The following SIPA1L2 variants were observed in gnomAD, a reference collection of about 807,000 sequenced individuals.
The protein encoded by SIPA1L2 is signal-induced proliferation-associated 1-like protein 2.
Under a neutral mutation model 163.9 loss-of-function variants are expected in SIPA1L2, and 56 were observed. The observed-to-expected ratio is 0.34, with a 90% CI of 0.28 to 0.43. The LOEUF (loss-of-function observed/expected upper bound fraction) is 0.43, where lower values mean the gene tolerates loss of function less well. Among genes scored for constraint, SIPA1L2 ranks in the 20% least tolerant of loss-of-function variants. The pLI is 1.00. For synonymous variants in SIPA1L2, 877 were observed against 865.7 expected, an observed-to-expected ratio of 1.01 and a Z score of -0.23; for missense variants, 1,974 against 2,193.5, an observed-to-expected ratio of 0.90 and a Z score of 2.00.
At chr1:232,412,788 C>T (rs953648681) in intron 19 of SIPA1L2, among the ~76,000 whole-genome samples, 14 of 152,152 alleles carry the variant, frequency 9.2e-5, no homozygotes, top group African/African-American at 1.4e-4. Context: ...AAATTAAACA[C>T]GTCATTAACT....
At chr1:232,475,647 G>A (rs966584997) in intron 7 of SIPA1L2, among the ~76,000 whole-genome samples, 1 of 152,074 alleles carries the variant, frequency 6.6e-6, no homozygotes, top group African/African-American at 2.4e-5. Flanking sequence ...ATTTCTGATG[G>A]GCAAGAACAG....
chr1:232,440,406 C>T (rs141610996), intron 14 of SIPA1L2, among the ~76,000 whole-genome samples: 27 of 152,312 alleles, frequency 1.8e-4, no homozygotes, highest in Admixed American at 4.6e-4. Context: ...ATCACCTTGA[C>T]CTTTTCATCA....
At chr1:232,401,405 T>G (rs1456886493) in intron 22 of SIPA1L2, among the ~76,000 whole-genome samples, 1 of 152,162 alleles carries the variant, frequency 6.6e-6, no homozygotes, top group Non-Finnish European at 1.5e-5. Flanking sequence ...TGGGCAAGTC[T>G]CCTAAACCCG....
chr1:232,544,141 T>C (rs1657866399), intron 2 of SIPA1L2, among the ~76,000 whole-genome samples: 1 of 149,012 alleles, frequency 6.7e-6, no homozygotes, highest in Non-Finnish European at 1.5e-5. Context: ...TTTTTTTTTA[T>C]CCTCTTATTC....
chr1:232,564,201 G>T (rs2102755341), intron 2 of SIPA1L2, among the ~76,000 whole-genome samples: 1 of 97,160 alleles, frequency 1.0e-5, no homozygotes, highest in Non-Finnish European at 1.8e-5. Context: ...TCATCATGTT[G>T]GCCAGACTGA....
At chr1:232,563,955 TCGTGTGTGTG>T (rs1659198875) in intron 2 of SIPA1L2, among the ~76,000 whole-genome samples, 2 of 116,700 alleles carry the variant, frequency 1.7e-5, no homozygotes, top group African/African-American at 8.0e-5. Flanking sequence ...TTTTTTTTTT[TCGTGTGTGTG>T]TGTGTGTGTG....
chr1:232,557,603 C>T lies in SIPA1L2; in HGVS notation c.-270+16571G>A, dbSNP rs541492456. ...ATTCCAAAGAATATTTCCTCTGCAG[C>T]TACTGTGACTTCCATGTGTTCTCAC... On this transcript the variant is annotated intron_variant, in intron 2 of 22. Coordinates refer to ENST00000674635, the MANE Select transcript of SIPA1L2 (RefSeq NM_020808.5). Among the ~76,000 whole-genome samples the T allele has an allele frequency of 2.3e-3, 349 of 152,342 alleles. 1 individual carries two copies. In the Middle Eastern group the frequency reaches 0.027, roughly 12 times the overall value.
chr1:232,605,262 C>T (rs1334707239), intron 1 of SIPA1L2, among the ~76,000 whole-genome samples: 1 of 152,194 alleles, frequency 6.6e-6, no homozygotes, highest in Non-Finnish European at 1.5e-5. Context: ...GATCCACCTT[C>T]CTTGGCCTCC....
chr1:232,444,268 A>G (rs1663075149), intron 11 of SIPA1L2, among the ~76,000 whole-genome samples: 1 of 152,172 alleles, frequency 6.6e-6, no homozygotes, highest in African/African-American at 2.4e-5. Flanking sequence ...GTTTTCTCCT[A>G]TAATTTACTT....
At chr1:232,613,592 C>T (rs2102877826) in intron 1 of SIPA1L2, among the ~76,000 whole-genome samples, 1 of 152,238 alleles carries the variant, frequency 6.6e-6, no homozygotes, top group East Asian at 1.9e-4. Context: ...AAGAATAGAG[C>T]AAGGATTAAA....
intron 2 of SIPA1L2, among the ~76,000 whole-genome samples, chr1:232,545,912 T>C (rs1036920989): frequency 2.0e-5 from 3 of 152,244 alleles, no homozygotes; most frequent in African/African-American, 7.2e-5. Flanking sequence ...TAGATGCAGA[T>C]CTTATGCAGA....
chr1:232,441,648 C>A, intron 13 of SIPA1L2, 120 bp downstream of exon 13: 1 of 923,364 alleles, frequency 1.1e-6, no homozygotes, highest in Non-Finnish European at 1.7e-6. Flanking sequence ...AGCTGATCAC[C>A]TCAACTTGGT....
At chr1:232,579,997 A>T (rs1302623216) in intron 1 of SIPA1L2, among the ~76,000 whole-genome samples, 1 of 152,222 alleles carries the variant, frequency 6.6e-6, no homozygotes, top group Non-Finnish European at 1.5e-5. Flanking sequence ...AAGTTTATTA[A>T]GGAAGTAAAG....
chr1:232,485,831 C>T (rs1665618610), intron 5 of SIPA1L2, among the ~76,000 whole-genome samples: 1 of 152,154 alleles, frequency 6.6e-6, no homozygotes, highest in Admixed American at 6.5e-5. Flanking sequence ...TAGAGTCCAC[C>T]GTTAATACCG....
intron 14 of SIPA1L2, among the ~76,000 whole-genome samples, chr1:232,439,838 G>A (rs1257194117): frequency 6.6e-6 from 1 of 152,182 alleles, no homozygotes; most frequent in African/African-American, 2.4e-5. Flanking sequence ...ATTAATATAA[G>A]GAAGAGAAGG....
chr1:232,612,876 TTC>T (rs1019183590), intron 1 of SIPA1L2, among the ~76,000 whole-genome samples: 3 of 151,166 alleles, frequency 2.0e-5, no homozygotes, highest in African/African-American at 7.4e-5. Flanking sequence ...TATGGTTTAG[TTC>T]TGTGTCCTCA....
In SIPA1L2 at chr1:232,514,550, C is replaced by T; in HGVS notation, c.790G>A (p.Val264Met). ...CTCCCCATCAGGAGGGCACTGTCCA[C>T]ATAATCTAATCCTGAGATGCGGACA... Reference protein sequence around the residue: ...EFVRISGLDYVDSALLMGRDR... With the variant: ...EFVRISGLDYMDSALLMGRDR... The change falls in exon 3 of 23, where the codon GTG (valine) becomes ATG (methionine). Residue 264 changes from valine (V) to methionine (M), a missense_variant. By Grantham distance (21) the Val-to-Met change is conservative (BLOSUM62 1). This residue lies in a region of SIPA1L2 where 607 missense variants were observed against 624.0 expected (regional missense o/e 0.97). Coordinates refer to ENST00000674635, the MANE Select transcript of SIPA1L2 (RefSeq NM_020808.5). 6.2e-7 allele frequency: 1 copy of T among 1,614,184 alleles called. No individual in the cohort carries two copies. Among genetic ancestry groups the T allele is most frequent in the Non-Finnish European group, 8.5e-7 (1 of 1,180,026 alleles).
intron 1 of SIPA1L2, among the ~76,000 whole-genome samples, chr1:232,603,693 G>A (rs1661733527): frequency 6.6e-6 from 1 of 152,026 alleles, no homozygotes; most frequent in Admixed American, 6.6e-5. Flanking sequence ...TAGGATCACA[G>A]CAGCGAGGTC....
chr1:232,491,173 G>A (rs182271098), intron 4 of SIPA1L2, 111 bp from the exon 5 acceptor site: 1,037 of 959,438 alleles, frequency 1.1e-3, no homozygotes, highest in Admixed American at 2.6e-3. Context: ...GGCTCTTTCT[G>A]AGTGTAGTGA....
Sources: allele counts gnomAD v4.1 joint callset (sites outside exome capture counted in the v4.1 genomes callset), GRCh38; gene constraint gnomAD v4.1.1; regional missense constraint gnomAD v4.1.1; transcripts MANE v1.5; gene names NCBI Gene and HGNC (gene_info 2026-07-23, HGNC 2026-07-21).